The following C13orf46 variants were observed in gnomAD, a reference collection of about 807,000 sequenced individuals.
C13orf46 encodes the protein uncharacterized protein C13orf46.
At chr13:113,935,417 C>T in the C13orf46 span, among the ~76,000 whole-genome samples, 7 of 152,242 alleles carry the variant, frequency 4.6e-5, no homozygotes, top group South Asian at 6.2e-4. Context: ...GGCTGTGAAG[C>T]GCTGGCCCTG....
chr13:113,936,397 G>A, the C13orf46 span, among the ~76,000 whole-genome samples: 5 of 152,200 alleles, frequency 3.3e-5, no homozygotes, highest in South Asian at 2.1e-4. Flanking sequence ...AATCCTGGCC[G>A]CCTTCCCTTC....
the C13orf46 span, among the ~76,000 whole-genome samples, chr13:113,948,588 G>A: frequency 2.6e-5 from 4 of 152,116 alleles, no homozygotes; most frequent in Admixed American, 6.6e-5. Flanking sequence ...TCTTTGTCCC[G>A]CTTCTGCAGA....
chr13:113,972,626 A>G (rs558671303), intron 1 of C13orf46, among the ~76,000 whole-genome samples: 3 of 152,304 alleles, frequency 2.0e-5, no homozygotes, highest in East Asian at 3.9e-4. Flanking sequence ...CGTTCGGCAC[A>G]CCTGGAAACA....
At position 113,963,955 on chromosome 13, in the gene C13orf46, A is replaced by G. The variant is rs923635719; in HGVS notation, c.572+972T>C. 1.7e-3 allele frequency among the ~76,000 whole-genome samples: 259 copies of G among 152,136 alleles called. 8 individuals carry two copies. In the South Asian group the frequency reaches 0.044, roughly 26 times the overall value. ...AACCTCCGCCTCCTGGGTTCAAGCG[A>G]TTCTCCTGCCTCGGCCTCCCTAGTA... On this transcript the variant is annotated intron_variant, in intron 6 of 6. Coordinates refer to ENST00000636427, the MANE Select transcript of C13orf46 (RefSeq NM_001365455.2).
At chr13:113,946,454 C>A in the C13orf46 span, among the ~76,000 whole-genome samples, 1 of 152,240 alleles carries the variant, frequency 6.6e-6, no homozygotes, top group African/African-American at 2.4e-5. Flanking sequence ...GCCACACACA[C>A]ACTTGACACA....
At chr13:113,933,376 C>T in the C13orf46 span, among the ~76,000 whole-genome samples, 1 of 152,196 alleles carries the variant, frequency 6.6e-6, no homozygotes, top group African/African-American at 2.4e-5. Context: ...TGTTCTGTCT[C>T]ATTGACCTAT....
the C13orf46 span, among the ~76,000 whole-genome samples, chr13:113,936,547 G>T: frequency 6.6e-6 from 1 of 152,198 alleles, no homozygotes; most frequent in Non-Finnish European, 1.5e-5. Flanking sequence ...CCTGGCCAGT[G>T]GCGAGAGCTG....
At chr13:113,946,577 T>C in the C13orf46 span, among the ~76,000 whole-genome samples, 1 of 152,152 alleles carries the variant, frequency 6.6e-6, no homozygotes, top group African/African-American at 2.4e-5. Flanking sequence ...CAGTGTGCTG[T>C]GGGTGGCAGC....
intron 5 of C13orf46, among the ~76,000 whole-genome samples, chr13:113,965,528 T>C (rs1438363969): frequency 1.3e-5 from 2 of 152,342 alleles, no homozygotes; most frequent in African/African-American, 4.8e-5. Flanking sequence ...ATAAGGATGA[T>C]GATTATGGTG....
intron 1 of C13orf46, among the ~76,000 whole-genome samples, chr13:113,971,700 A>G (rs1170020180): frequency 6.6e-6 from 1 of 152,216 alleles, no homozygotes; most frequent in East Asian, 1.9e-4. Flanking sequence ...GGCGTCTCAC[A>G]CATCCGGGCA....
At chr13:113,948,012 G>A in the C13orf46 span, among the ~76,000 whole-genome samples, 1 of 152,250 alleles carries the variant, frequency 6.6e-6, no homozygotes, top group East Asian at 1.9e-4. Flanking sequence ...CGGGGCCATG[G>A]AGCGGGGCTC....
chr13:113,969,162 G>A (rs1475600573), intron 2 of C13orf46, among the ~76,000 whole-genome samples: 8 of 152,236 alleles, frequency 5.3e-5, no homozygotes, highest in South Asian at 2.1e-4. Context: ...GAGGGTCCAC[G>A]GTTGGCCCTG....
At chr13:113,953,292 T>C (rs915291591), downstream of C13orf46, among the ~76,000 whole-genome samples, 300 of 152,160 alleles carry the variant, frequency 2.0e-3, 2 homozygotes, top group Non-Finnish European at 2.9e-3. Context: ...CTCCCTGAGG[T>C]AGGAAGGTGT....
chr13:113,951,190 G>C, downstream of C13orf46, among the ~76,000 whole-genome samples: 1 of 152,190 alleles, frequency 6.6e-6, no homozygotes. Context: ...CGAATGCTCA[G>C]CTGGGGAGGA....
intron 6 of C13orf46, among the ~76,000 whole-genome samples, chr13:113,960,891 T>C (rs895300488): frequency 2.5e-4 from 38 of 152,272 alleles, no homozygotes; most frequent in Admixed American, 1.5e-3. Flanking sequence ...TTTTGGTAAC[T>C]GGCTTAAAAA....
intron 5 of C13orf46, 119 bp downstream of exon 5, chr13:113,967,222 A>C (rs1187774871): frequency 6.6e-6 from 1 of 152,246 alleles, no homozygotes; most frequent in African/African-American, 2.4e-5. Context: ...CTCCCTATCC[A>C]ACACATGGCT....
the C13orf46 span, among the ~76,000 whole-genome samples, chr13:113,937,758 A>G: frequency 3.3e-5 from 5 of 152,194 alleles, no homozygotes; most frequent in African/African-American, 9.7e-5. Flanking sequence ...TCGTAGGTAG[A>G]TAAGAGACAA....
At chr13:113,973,160 C>A (rs1408033884) in intron 1 of C13orf46, among the ~76,000 whole-genome samples, 1 of 152,368 alleles carries the variant, frequency 6.6e-6, no homozygotes, top group Admixed American at 6.5e-5. Context: ...TCTTCCTAAA[C>A]AAGAGCTGCA....
chr13:113,966,869 G>C (rs2052655686), intron 5 of C13orf46, among the ~76,000 whole-genome samples: 2 of 152,060 alleles, frequency 1.3e-5, no homozygotes, highest in African/African-American at 4.8e-5. Flanking sequence ...AGCTTTCCCA[G>C]ACAACCCTGG....
Sources: allele counts gnomAD v4.1 joint callset (sites outside exome capture counted in the v4.1 genomes callset), GRCh38; gene constraint gnomAD v4.1.1; transcripts MANE v1.5; gene names NCBI Gene and HGNC (gene_info 2026-07-23, HGNC 2026-07-21).